Variants in MYT1L observed in about 807,000 individuals in gnomAD.
MYT1L encodes the protein myelin transcription factor 1 like.
In MYT1L, 12 loss-of-function variants were observed where a neutral mutation model predicts 126.7. That is an observed-to-expected ratio of 0.09 (90% CI 0.06 to 0.15). MYT1L has a LOEUF of 0.15. Ranked by LOEUF, MYT1L falls within the 10% of genes least tolerant of loss-of-function variation. The pLI, the probability that MYT1L is intolerant of heterozygous loss-of-function variation, is 1.00. For synonymous variants in MYT1L, 541 were observed against 604.2 expected (o/e 0.90, Z 1.53); for missense variants, 979 against 1,585.2 (o/e 0.62, Z 6.49).
chr2:1,916,760 G>A (rs2052901962), intron 11 of MYT1L, among the ~76,000 whole-genome samples: 1 of 152,190 alleles, frequency 6.6e-6, no homozygotes, highest in Non-Finnish European at 1.5e-5. Flanking sequence ...ATCTAAATAT[G>A]CATTTGGATG....
intron 9 of MYT1L, among the ~76,000 whole-genome samples, chr2:1,925,858 G>C (rs2054159815): frequency 6.6e-6 from 1 of 152,128 alleles, no homozygotes; most frequent in African/African-American, 2.4e-5. Flanking sequence ...GACTTAATTA[G>C]CTCAGTGGGG....
In MYT1L at chr2:2,228,945, T is replaced by G. The variant is rs533886068; in HGVS notation, c.-421+55459A>C. ...GAAACACAAGCAGTAGAGAAGGATA[T>G]GAAGTGAAACACGGGGGTCTTCCAA... On this transcript the variant is annotated intron_variant, in intron 2 of 24. Coordinates refer to ENST00000647738, the MANE Select transcript of MYT1L (RefSeq NM_001303052.2). The surrounding 1 kb of genome is among the most constrained non-coding windows in gnomAD (Gnocchi z 5.9). Among the ~76,000 whole-genome samples, 1 of 152,208 alleles carries G rather than the reference T, an allele frequency of 6.6e-6. No homozygotes were observed. Among genetic ancestry groups the G allele is most frequent in the South Asian group, 2.1e-4 (1 of 4,822 alleles).
intron 3 of MYT1L, among the ~76,000 whole-genome samples, chr2:2,150,528 G>A (rs1195087006): frequency 1.3e-5 from 2 of 152,182 alleles, no homozygotes; most frequent in Non-Finnish European, 2.9e-5. Context: ...CATCCTGGCT[G>A]TGCTGGTCTC....
intron 3 of MYT1L, among the ~76,000 whole-genome samples, chr2:2,095,764 TCTC>T (rs1558994482): frequency 6.6e-6 from 1 of 152,130 alleles, no homozygotes; most frequent in African/African-American, 2.4e-5. Flanking sequence ...ACTCCACGGC[TCTC>T]CTCATCGCCC....
intron 14 of MYT1L, among the ~76,000 whole-genome samples, chr2:1,896,471 C>T (rs190525811): frequency 6.6e-4 from 101 of 152,202 alleles, no homozygotes; most frequent in African/African-American, 2.3e-3. Flanking sequence ...AAAGAAAATG[C>T]GGTACATAGA....
intron 8 of MYT1L, among the ~76,000 whole-genome samples, chr2:1,977,557 G>A (rs542186406): frequency 4.1e-4 from 63 of 152,238 alleles, no homozygotes; most frequent in South Asian, 8.3e-4. Flanking sequence ...TAACACAAAG[G>A]ATAAATGCTT....
chr2:2,241,459 A>T (rs1397622370), intron 2 of MYT1L, among the ~76,000 whole-genome samples: 1 of 152,148 alleles, frequency 6.6e-6, no homozygotes, highest in Non-Finnish European at 1.5e-5. Flanking sequence ...GCCTGTCCAC[A>T]CACTGCTTTA....
chr2:2,287,839 T>A (rs1304634869), intron 1 of MYT1L, among the ~76,000 whole-genome samples: 2 of 152,226 alleles, frequency 1.3e-5, no homozygotes, highest in African/African-American at 4.8e-5. Flanking sequence ...GTAATAGCAA[T>A]GAAACTCAAA....
chr2:1,945,925 A>T (rs1383643164), intron 8 of MYT1L, among the ~76,000 whole-genome samples: 1 of 152,134 alleles, frequency 6.6e-6, no homozygotes, highest in Non-Finnish European at 1.5e-5. Flanking sequence ...AAACAATTTT[A>T]TGTTTCTTAG....
intron 2 of MYT1L, among the ~76,000 whole-genome samples, chr2:2,239,463 A>G (rs2094393863): frequency 6.6e-6 from 1 of 152,216 alleles, no homozygotes; most frequent in Non-Finnish European, 1.5e-5. Context: ...AATTCAAGGA[A>G]AGTTAAAGTA....
intron 3 of MYT1L, among the ~76,000 whole-genome samples, chr2:2,109,611 A>G (rs912239497): frequency 1.3e-5 from 2 of 152,106 alleles, no homozygotes; most frequent in Non-Finnish European, 2.9e-5. Flanking sequence ...GTCCTAGTCA[A>G]TACCACTTCT....
chr2:2,241,797 A>T (rs1466921713), intron 2 of MYT1L, among the ~76,000 whole-genome samples: 2 of 152,224 alleles, frequency 1.3e-5, no homozygotes, highest in South Asian at 2.1e-4. Flanking sequence ...ACATGGCTGG[A>T]TGTTGAGGGC....
intron 2 of MYT1L, among the ~76,000 whole-genome samples, chr2:2,210,409 A>T (rs959027388): frequency 1.3e-5 from 2 of 152,122 alleles, no homozygotes; most frequent in Non-Finnish European, 2.9e-5. Context: ...AATTCACTTT[A>T]ATTTGATTTT....
chr2:2,124,903 G>A (rs114670246), intron 3 of MYT1L, among the ~76,000 whole-genome samples: 44 of 152,258 alleles, frequency 2.9e-4, no homozygotes, highest in Non-Finnish European at 1.3e-4. Flanking sequence ...TCCCAGCCAC[G>A]GTTTCACATC....
At chr2:2,240,756 C>T (rs1257113876) in intron 2 of MYT1L, among the ~76,000 whole-genome samples, 1 of 152,198 alleles carries the variant, frequency 6.6e-6, no homozygotes, top group African/African-American at 2.4e-5. Context: ...AGGTAAAACA[C>T]GGTGTCACTC....
chr2:2,067,758 G>A (rs1262278375), intron 3 of MYT1L, among the ~76,000 whole-genome samples: 5 of 152,036 alleles, frequency 3.3e-5, no homozygotes. Flanking sequence ...AAAGTGGAAG[G>A]TCAAGTTATA....
At chr2:1,859,789 G>A (rs979617223) in intron 18 of MYT1L, among the ~76,000 whole-genome samples, 2 of 152,258 alleles carry the variant, frequency 1.3e-5, no homozygotes, top group African/African-American at 4.8e-5. Flanking sequence ...CCTGGCCCTG[G>A]TGCCCTGATA....
At chr2:2,085,469 T>C (rs1205124838) in intron 3 of MYT1L, among the ~76,000 whole-genome samples, 10 of 152,202 alleles carry the variant, frequency 6.6e-5, no homozygotes, top group Admixed American at 5.2e-4. Flanking sequence ...ATTAAGTCTA[T>C]GCTGCTCCCT....
intron 3 of MYT1L, among the ~76,000 whole-genome samples, chr2:2,137,677 A>G (rs1257347877): frequency 6.6e-6 from 1 of 152,220 alleles, no homozygotes; most frequent in East Asian, 1.9e-4. Flanking sequence ...TACACCTTAT[A>G]CAAAAATCAA....
Sources: gnomAD v4.1 joint callset for allele counts (sites outside exome capture counted in the v4.1 genomes callset) on GRCh38, gnomAD v4.1.1 for gene constraint, Gnocchi (gnomAD v3.1) non-coding constraint, MANE v1.5 for transcripts, NCBI Gene and HGNC (gene_info 2026-07-23, HGNC 2026-07-21) for gene names.